Variants in OAT observed in about 807,000 individuals in gnomAD.
OAT encodes the protein ornithine aminotransferase, mitochondrial.
Under a neutral mutation model 48.4 loss-of-function variants are expected in OAT, and 35 were observed. The ratio of observed to expected loss-of-function variants is 0.72; its 90% CI spans 0.55 to 0.96. The LOEUF (loss-of-function observed/expected upper bound fraction) is 0.96. OAT is among the 40% of genes least tolerant of loss of function. The pLI is 0.00. For missense variants in OAT, 438 were observed against 537.9 expected (o/e 0.81, Z 1.84); for synonymous variants, 182 against 198.4 (o/e 0.92, Z 0.70).
chr10:124,403,797 C>T lies in OAT; in HGVS notation c.771+1G>A. ...TTATCACAAACAGCTAACGTGACAACCTGGTGCCTGGTGCAGAGCTCTCGC... is the reference window on the plus strand; with the variant it reads ...TTATCACAAACAGCTAACGTGACAATCTGGTGCCTGGTGCAGAGCTCTCGC... On this transcript the variant is annotated splice_donor_variant, in intron 6 of 9. Coordinates refer to ENST00000368845, the MANE Select transcript of OAT (RefSeq NM_000274.4). LOFTEE classifies it high-confidence loss of function. The T allele has an allele frequency of 6.2e-7, 1 of 1,614,148 alleles. No individual in the cohort carries two copies. Among genetic ancestry groups the T allele is most frequent in the Non-Finnish European group, 8.5e-7 (1 of 1,179,996 alleles).
At chr10:124,416,504 A>G (rs1951921394) in intron 1 of OAT, among the ~76,000 whole-genome samples, 1 of 152,202 alleles carries the variant, frequency 6.6e-6, no homozygotes, top group East Asian at 1.9e-4. Flanking sequence ...GCTATCATGC[A>G]TCTACCTGAC....
At chr10:124,398,746 G>A (rs1199240889) in intron 9 of OAT, among the ~76,000 whole-genome samples, 1 of 151,846 alleles carries the variant, frequency 6.6e-6, no homozygotes, top group Non-Finnish European at 1.5e-5. Flanking sequence ...GCTGGATGCA[G>A]TGGCTCACAC....
Position 124,404,859 on chromosome 10 carries a change from C to T in OAT, c.648+577G>A, listed in dbSNP as rs538082441. Among the ~76,000 whole-genome samples the T allele has an allele frequency of 1.2e-4, 19 of 152,250 alleles. No individual in the cohort carries two copies. The East Asian group carries it at 3.7e-3, about 30-fold the overall frequency. ...AAGTGTTCGAGACCAGCCTGGCCAA[C>T]GTGGCGAAACCATGTCTCTAAAGAA... On this transcript the variant is annotated intron_variant, in intron 5 of 9. Transcript: ENST00000368845.
chr10:124,403,448 T>C (rs988337970), intron 6 of OAT: 3 of 413,922 alleles, frequency 7.2e-6, no homozygotes, highest in African/African-American at 4.0e-5. Context: ...TATACTACTA[T>C]TAGCCCTGGG....
At position 124,405,544 on chromosome 10, in the gene OAT, C is replaced by T; in HGVS notation, c.540G>A (p.Arg180=). 6.2e-7 allele frequency: 1 copy of T among 1,614,014 alleles called. No homozygotes were observed. The highest frequency in any genetic ancestry group is 8.5e-7 in the Non-Finnish European group (1 of 1,179,958). Residue 180 remains arginine (R), a synonymous_variant, in exon 5 of 10, where the codon AGG becomes AGA. Coordinates refer to ENST00000368845, the MANE Select transcript of OAT (RefSeq NM_000274.4). Reference sequence around the variant, plus strand: ...TGGAACTGGAGATAGCAGACAACGTCCTACCCCAGAAGTTCCCAGCTACAA... The same window carrying T: ...TGGAACTGGAGATAGCAGACAACGTTCTACCCCAGAAGTTCCCAGCTACAA... ...IVFAAGNFWG[R]TLSAISSSTD...
intron 5 of OAT, among the ~76,000 whole-genome samples, chr10:124,404,431 C>T (rs1341054735): frequency 6.6e-6 from 1 of 151,984 alleles, no homozygotes; most frequent in South Asian, 2.1e-4. Context: ...CCACGCCCAG[C>T]TAATTTTTTT....
intron 6 of OAT, chr10:124,403,462 A>C: frequency 2.4e-6 from 1 of 416,908 alleles, no homozygotes; most frequent in Non-Finnish European, 4.5e-6. Context: ...CCCTGGGGGA[A>C]AGGAGGAGAG....
intron 2 of OAT, among the ~76,000 whole-genome samples, chr10:124,410,841 G>T (rs1261866112): frequency 1.3e-5 from 2 of 151,754 alleles, no homozygotes; most frequent in Non-Finnish European, 1.5e-5. Context: ...AGTATTTATG[G>T]GTAAAGAGAT....
At chr10:124,403,467 G>A (rs766628937) in intron 6 of OAT, 4 of 423,736 alleles carry the variant, frequency 9.4e-6, no homozygotes, top group Non-Finnish European at 1.8e-5. Flanking sequence ...GGGGAAAGGA[G>A]GAGAGAATAC....
At chr10:124,406,498 AAATAATAAT>A (rs201249878) in intron 4 of OAT, among the ~76,000 whole-genome samples, 2 of 150,056 alleles carry the variant, frequency 1.3e-5, no homozygotes, top group African/African-American at 4.9e-5. Context: ...CAAAAAATAA[AAATAATAAT>A]AATAATAATA....
intron 9 of OAT, among the ~76,000 whole-genome samples, chr10:124,400,183 C>T (rs1249370081): frequency 6.6e-6 from 1 of 152,186 alleles, no homozygotes; most frequent in Non-Finnish European, 1.5e-5. Flanking sequence ...GGAGCAGTGG[C>T]TCATGCCTGT....
At chr10:124,411,932 G>C in intron 2 of OAT, 41 bp downstream of exon 2, 1 of 1,586,930 alleles carries the variant, frequency 6.3e-7, no homozygotes, top group South Asian at 1.1e-5. Context: ...TTTATAAAAG[G>C]TTTCAAGAAA....
intron 1 of OAT, among the ~76,000 whole-genome samples, chr10:124,416,075 T>C (rs1241491272): frequency 6.6e-6 from 1 of 152,176 alleles, no homozygotes; most frequent in East Asian, 1.9e-4. Flanking sequence ...CATATTAGCT[T>C]TTTTTCACCC....
chr10:124,411,815 CAAAAA>C (rs60176788), intron 2 of OAT, among the ~76,000 whole-genome samples, 153 bp downstream of exon 2: 5 of 107,590 alleles, frequency 4.6e-5, no homozygotes, highest in African/African-American at 3.4e-5. Context: ...GACTCCGTCT[CAAAAA>C]AAAAAAAAAA....
intron 9 of OAT, among the ~76,000 whole-genome samples, chr10:124,398,388 G>A (rs777881628): frequency 2.6e-5 from 4 of 151,740 alleles, no homozygotes; most frequent in Non-Finnish European, 5.9e-5. Flanking sequence ...CGCACCTGTA[G>A]TCCCAGCTAC....
chr10:124,417,836 T>C (rs1213834026), intron 1 of OAT, among the ~76,000 whole-genome samples: 1 of 152,198 alleles, frequency 6.6e-6, no homozygotes, highest in Non-Finnish European at 1.5e-5. Context: ...AGCCACTTCA[T>C]TCCAAAGTCA....
At chr10:124,406,233 G>A (rs576073211) in intron 4 of OAT, 11 of 616,090 alleles carry the variant, frequency 1.8e-5, no homozygotes, top group Non-Finnish European at 2.2e-5. Context: ...GCTCACTTAT[G>A]TAATCCCTGC....
At position 124,397,973 on chromosome 10, in the gene OAT, T is replaced by G. The variant is rs769015256; in HGVS notation, c.1289A>C (p.Glu430Ala). ...IKEDELRESI[E>A]IINKTILSF is the part of the protein sequence containing the mutation. ...AGACAAGATGGTCTTGTTAATAATT[T>G]CAATGGACTCTCGAAGCTCATCCTC... Residue 430 changes from glutamate (E) to alanine (A), a missense_variant, in exon 10 of 10, where the codon GAA (glutamate) becomes GCA (alanine). Glu to Ala is a moderately radical substitution (Grantham distance 107). Coordinates refer to ENST00000368845, the MANE Select transcript of OAT (RefSeq NM_000274.4). The G allele has an allele frequency of 6.2e-7, 1 of 1,613,896 alleles. No individual in the cohort carries two copies. The highest frequency in any genetic ancestry group is 8.5e-7 in the Non-Finnish European group (1 of 1,179,870).
chr10:124,400,817 G>T, intron 9 of OAT, 23 bp downstream of exon 9: 2 of 1,536,216 alleles, frequency 1.3e-6, no homozygotes, highest in South Asian at 1.1e-5. Flanking sequence ...AAATTATCTT[G>T]AGTAAATGTT....
Sources: gnomAD v4.1 joint callset for allele counts (sites outside exome capture counted in the v4.1 genomes callset) on GRCh38, gnomAD v4.1.1 for gene constraint, MANE v1.5 for transcripts, NCBI Gene and HGNC (gene_info 2026-07-23, HGNC 2026-07-21) for gene names.